The following RBFOX1 variants were observed in gnomAD, a reference collection of about 807,000 sequenced individuals.
The protein encoded by RBFOX1 is RNA binding fox-1 homolog 1.
RBFOX1 carries 8 observed loss-of-function variants against 57.7 expected under a neutral mutation model. The ratio of observed to expected loss-of-function variants is 0.14; its 90% CI spans 0.08 to 0.25. The LOEUF (loss-of-function observed/expected upper bound fraction) is 0.25. Among genes scored for constraint, RBFOX1 ranks in the 10% least tolerant of loss-of-function variants. The pLI, the probability that RBFOX1 is intolerant of heterozygous loss-of-function variation, is 1.00. For missense variants in RBFOX1, 611 were observed against 548.5 expected (o/e 1.11, Z -1.14); for synonymous variants, 326 against 222.4 (o/e 1.47, Z -4.15).
chr16:5,528,187 T>C (rs964888929), intron 2 of RBFOX1, among the ~76,000 whole-genome samples: 36 of 152,152 alleles, frequency 2.4e-4, no homozygotes, highest in Admixed American at 2.6e-4. Context: ...GCTCGAGACA[T>C]TCCCGTGAGC....
chr16:5,908,443 C>T (rs899430200), intron 4 of RBFOX1, among the ~76,000 whole-genome samples: 4 of 151,698 alleles, frequency 2.6e-5, no homozygotes, highest in African/African-American at 9.7e-5. Context: ...TCCTCTGCCT[C>T]CCGGTTTCAG....
intron 4 of RBFOX1, among the ~76,000 whole-genome samples, chr16:7,241,547 C>A (rs1603435365): frequency 1.3e-5 from 2 of 152,058 alleles, no homozygotes; most frequent in African/African-American, 4.8e-5. Flanking sequence ...ATGGCAGGAA[C>A]TTTTATGAAT....
chr16:6,619,029 G>A (rs943075945), intron 2 of RBFOX1, among the ~76,000 whole-genome samples: 4 of 152,104 alleles, frequency 2.6e-5, no homozygotes, highest in Non-Finnish European at 5.9e-5. Flanking sequence ...CGTTTCCCAG[G>A]GGATCAGGGA....
At chr16:6,636,542 A>T (rs990845102) in intron 2 of RBFOX1, among the ~76,000 whole-genome samples, 4 of 151,826 alleles carry the variant, frequency 2.6e-5, no homozygotes, top group Non-Finnish European at 5.9e-5. Flanking sequence ...ACCTCTAATT[A>T]CTGTAGCACA....
chr16:6,969,929 C>T (rs879905476), intron 3 of RBFOX1, among the ~76,000 whole-genome samples: 9 of 152,010 alleles, frequency 5.9e-5, no homozygotes, highest in African/African-American at 2.2e-4. Context: ...CATAGATTTC[C>T]CACATACAGA....
intron 5 of RBFOX1, among the ~76,000 whole-genome samples, chr16:7,562,725 TC>T (rs1451723624): frequency 6.6e-6 from 1 of 152,042 alleles, no homozygotes; most frequent in African/African-American, 2.4e-5. Flanking sequence ...AGAAGCTTCT[TC>T]CCCAGTGGGG....
chr16:5,430,800 AAT>A (rs1292014179), intron 1 of RBFOX1, among the ~76,000 whole-genome samples: 15 of 152,262 alleles, frequency 9.9e-5, no homozygotes, highest in African/African-American at 3.6e-4. Flanking sequence ...AGTATTTTGC[AAT>A]AGTCTTTACT....
intron 4 of RBFOX1, among the ~76,000 whole-genome samples, chr16:5,924,566 C>G (rs954479645): frequency 6.6e-6 from 1 of 152,144 alleles, no homozygotes; most frequent in African/African-American, 2.4e-5. Flanking sequence ...TCACCAACTC[C>G]CCTTCATTTT....
rs539102486 is a variant in RBFOX1 at position 7,265,285 on chromosome 16, G to A, written c.27+213187G>A. Among the ~76,000 whole-genome samples, 18 of 152,078 alleles carry A rather than the reference G, an allele frequency of 1.2e-4. 1 individual carries two copies. In the South Asian group the frequency reaches 3.7e-3, roughly 32 times the overall value. The stretch of plus-strand genomic sequence containing the variant: ...AGTAGGATGGTCTAGTTATCATGTG[G>A]TCTCGGTGGCTTATGGATGGTGGCC... On this transcript the variant is annotated intron_variant, in intron 4 of 15. Coordinates refer to ENST00000550418, the MANE Select transcript of RBFOX1 (RefSeq NM_018723.4).
chr16:6,464,908 CG>C lies in RBFOX1; in HGVS notation c.-64+147856del, dbSNP rs1457535418. ...AATGTAGCCTCCAGCACAGAGATCCCGGGGGCAATTCTGGAGCTATCATTTA... is the reference window on the plus strand; with the variant it reads ...AATGTAGCCTCCAGCACAGAGATCCCGGGGCAATTCTGGAGCTATCATTTA... On this transcript the variant is annotated intron_variant, in intron 2 of 15. Coordinates refer to ENST00000550418, the MANE Select transcript of RBFOX1 (RefSeq NM_018723.4). Among the ~76,000 whole-genome samples the C allele has an allele frequency of 3.9e-5, 6 of 152,336 alleles. No homozygotes were observed. In the East Asian group the frequency reaches 7.7e-4, roughly 20 times the overall value.
chr16:5,430,594 G>A (rs965666762), intron 1 of RBFOX1, among the ~76,000 whole-genome samples: 5 of 152,180 alleles, frequency 3.3e-5, no homozygotes, highest in Non-Finnish European at 7.3e-5. Context: ...CCACCTGCAG[G>A]TGTGAAGTGC....
chr16:6,105,436 C>T (rs1468064930), intron 1 of RBFOX1, among the ~76,000 whole-genome samples: 1 of 151,824 alleles, frequency 6.6e-6, no homozygotes, highest in African/African-American at 2.4e-5. Flanking sequence ...ACAAATTCCA[C>T]ATTTTTGGAA....
rs369670162 is a variant in RBFOX1, at chr16:7,005,425, A to T, written c.-15-46632A>T. The stretch of plus-strand genomic sequence containing the variant: ...AGTCAGTATTTCTTGTGGAAGGACA[A>T]AAAGAGAAAAGTTTCTGGGTTATGT... On this transcript the variant is annotated intron_variant, in intron 3 of 15. Transcript: ENST00000550418. Among the ~76,000 whole-genome samples the T allele has an allele frequency of 4.6e-5, 7 of 152,200 alleles. No homozygotes were observed. In the East Asian group the frequency reaches 1.4e-3, roughly 29 times the overall value.
rs146283481 is a variant in RBFOX1, at chr16:6,301,581, G to A, written c.-126-15414G>A. 2.2e-3 allele frequency among the ~76,000 whole-genome samples: 341 copies of A among 152,084 alleles called. 1 individual carries two copies. The highest frequency in any genetic ancestry group is 7.5e-3 in the African/African-American group (311 of 41,496). On this transcript the variant is annotated intron_variant, in intron 1 of 15. Transcript: ENST00000550418. ...AAATGAAAAAAATATTACAGAAAAC[G>A]TTTAGGGAAGGCTACCCGTGTCTGA... is the stretch of plus-strand genomic sequence containing the variant.
chr16:7,707,749 T>G (rs183076587), intron 14 of RBFOX1, among the ~76,000 whole-genome samples: 2 of 152,318 alleles, frequency 1.3e-5, no homozygotes, highest in Admixed American at 6.5e-5. Context: ...CACTTGCCTC[T>G]AGGTGGAACC....
chr16:7,318,288 ATGGTGGTAGTGC>A (rs2096482259), intron 4 of RBFOX1, among the ~76,000 whole-genome samples: 1 of 150,096 alleles, frequency 6.7e-6, no homozygotes. Flanking sequence ...GGTGATAGTA[ATGGTGGTAGTGC>A]TGGTGGTGCT....
chr16:5,752,928 C>T (rs971912085), intron 3 of RBFOX1, among the ~76,000 whole-genome samples: 25 of 152,088 alleles, frequency 1.6e-4, no homozygotes, highest in African/African-American at 5.5e-4. Context: ...GCAAGAGGAT[C>T]GCTTGAGCCT....
chr16:7,387,240 A>G (rs753772436), intron 4 of RBFOX1, among the ~76,000 whole-genome samples: 2 of 152,184 alleles, frequency 1.3e-5, no homozygotes, highest in African/African-American at 4.8e-5. Flanking sequence ...CCTACCATGC[A>G]TTATCTTGCT....
At chr16:6,190,428 G>A (rs1442456378) in intron 1 of RBFOX1, among the ~76,000 whole-genome samples, 1 of 152,272 alleles carries the variant, frequency 6.6e-6, no homozygotes, top group African/African-American at 2.4e-5. Context: ...CTGGCTTTAT[G>A]CAACAGACTA....
Sources: allele counts gnomAD v4.1 joint callset (sites outside exome capture counted in the v4.1 genomes callset), GRCh38; gene constraint gnomAD v4.1.1; transcripts MANE v1.5; gene names NCBI Gene and HGNC (gene_info 2026-07-23, HGNC 2026-07-21).